Variants in KCNK2 observed in about 807,000 individuals in gnomAD.
KCNK2 encodes potassium channel subfamily K member 2.
In KCNK2, 21 loss-of-function variants were observed where a neutral mutation model predicts 40.5. The ratio of observed to expected loss-of-function variants is 0.52; its 90% confidence interval spans 0.37 to 0.75. The LOEUF (loss-of-function observed/expected upper bound fraction) is 0.75, where lower values mean the gene tolerates loss of function less well. Ranked by LOEUF, KCNK2 falls within the 30% of genes least tolerant of loss-of-function variation. The pLI, the probability that KCNK2 is intolerant of heterozygous loss-of-function variation, is 0.00. For missense variants in KCNK2, 399 were observed against 531.6 expected, an observed-to-expected ratio of 0.75 and a Z score of 2.45; for synonymous variants, 191 against 202.2, an observed-to-expected ratio of 0.94 and a Z score of 0.47.
rs567030566 is a variant in KCNK2, at chr1:215,197,161, C to T, written c.963+2069C>T. ...TGATGAAATTGGTATAGAATATCTG[C>T]TTAAATGTTTAAAACTTGTATTACT... On this transcript the variant is annotated intron_variant, in intron 6 of 6. Coordinates refer to ENST00000444842, the MANE Select transcript of KCNK2 (RefSeq NM_001017425.3). 3.9e-5 allele frequency among the ~76,000 whole-genome samples: 6 copies of T among 152,264 alleles called. No individual in the cohort carries two copies. The South Asian group carries it at 1.2e-3, about 32-fold the overall frequency.
intron 2 of KCNK2, among the ~76,000 whole-genome samples, chr1:215,097,346 C>G (rs1660019453): frequency 6.6e-6 from 1 of 151,598 alleles, no homozygotes; most frequent in Admixed American, 6.6e-5. Context: ...TTCTTCCTTC[C>G]TCTTCCTGCC....
intron 6 of KCNK2, among the ~76,000 whole-genome samples, chr1:215,204,419 A>C (rs1403827057): frequency 6.6e-6 from 1 of 152,064 alleles, no homozygotes; most frequent in African/African-American, 2.4e-5. Context: ...AAATAAGTTA[A>C]TAGTTTCTGT....
Position 215,083,364 on chromosome 1 carries a change from C to T in KCNK2, c.-22C>T, listed in dbSNP as rs1196505618. On this transcript the variant is annotated 5_prime_UTR_variant, in exon 1 of 7. Transcript: ENST00000444842. ...CTTCAAGTCCGTCTTTTTCAAAAAA[C>T]ATTTTGAATGCTGCATGCCTCATGC... 1 of 1,614,050 alleles carries T rather than the reference C, an allele frequency of 6.2e-7. No individual in the cohort carries two copies.
At chr1:215,223,705 G>T (rs1666274907) in intron 6 of KCNK2, among the ~76,000 whole-genome samples, 1 of 152,118 alleles carries the variant, frequency 6.6e-6, no homozygotes, top group African/African-American at 2.4e-5. Flanking sequence ...TTCTAAGGTA[G>T]CTGACTGCAA....
At chr1:215,233,509 C>T (rs1361867477) in intron 6 of KCNK2, among the ~76,000 whole-genome samples, 1 of 151,932 alleles carries the variant, frequency 6.6e-6, no homozygotes, top group Non-Finnish European at 1.5e-5. Flanking sequence ...TATAGCCTTA[C>T]TTCCAAGTAT....
chr1:215,149,417 G>A (rs533831946), intron 3 of KCNK2, among the ~76,000 whole-genome samples: 1 of 152,098 alleles, frequency 6.6e-6, no homozygotes, highest in South Asian at 2.1e-4. Flanking sequence ...AGACTTCCTC[G>A]GCACATCTGT....
At chr1:215,008,283 C>A (rs1174549659) in intron 1 of KCNK2, among the ~76,000 whole-genome samples, 1 of 152,010 alleles carries the variant, frequency 6.6e-6, no homozygotes, top group Non-Finnish European at 1.5e-5. Context: ...CAAATGATAA[C>A]TTTAGTTTTT....
At chr1:215,205,792 C>G (rs1196161066) in intron 6 of KCNK2, among the ~76,000 whole-genome samples, 1 of 152,052 alleles carries the variant, frequency 6.6e-6, no homozygotes, top group Non-Finnish European at 1.5e-5. Flanking sequence ...TGGTAACACA[C>G]CAATCATTGT....
chr1:215,169,635 T>C (rs1192730511), intron 4 of KCNK2, among the ~76,000 whole-genome samples: 1 of 100,160 alleles, frequency 1.0e-5, no homozygotes, highest in Non-Finnish European at 2.1e-5. Context: ...ACTTTTTTCT[T>C]TTTCTTTCTT....
At chr1:215,203,995 G>A (rs926378631) in intron 6 of KCNK2, among the ~76,000 whole-genome samples, 9 of 113,664 alleles carry the variant, frequency 7.9e-5, no homozygotes, top group African/African-American at 2.3e-4. Flanking sequence ...CCGAGATCGC[G>A]CCACTGCACT....
At chr1:215,070,384 C>A (rs1490216331) in intron 1 of KCNK2, among the ~76,000 whole-genome samples, 4 of 145,864 alleles carry the variant, frequency 2.7e-5, no homozygotes, top group Non-Finnish European at 6.0e-5. Flanking sequence ...CCACTGCACT[C>A]CAGCCTGGGC....
intron 6 of KCNK2, among the ~76,000 whole-genome samples, chr1:215,209,461 T>TATATATGATATATATA (rs1665509334): frequency 4.0e-3 from 9 of 2,234 alleles, no homozygotes; most frequent in Non-Finnish European, 0.014. Context: ...TATTATATAT[T>TATATATGATATATATA]ATATATAATA....
chr1:215,220,666 A>G (rs1011898010), intron 6 of KCNK2, among the ~76,000 whole-genome samples: 6 of 152,216 alleles, frequency 3.9e-5, no homozygotes, highest in Non-Finnish European at 7.3e-5. Flanking sequence ...GTTTTAGTGG[A>G]CTGGTCCTGT....
chr1:215,125,779 A>C (rs1472944470), intron 3 of KCNK2, among the ~76,000 whole-genome samples: 1 of 77,770 alleles, frequency 1.3e-5, no homozygotes, highest in South Asian at 4.3e-4. Flanking sequence ...TATATATATA[A>C]AATAAAATTT....
At chr1:215,084,283 G>A (rs985054207) in intron 1 of KCNK2, among the ~76,000 whole-genome samples, 6 of 151,472 alleles carry the variant, frequency 4.0e-5, no homozygotes, top group African/African-American at 1.5e-4. Context: ...TGTCTTAATG[G>A]AATTTCAGAT....
rs1190697453 is a variant in KCNK2 at position 215,028,600 on chromosome 1, CTTT to C, written c.34+22646_34+22648del. Reference sequence around the variant, plus strand: ...ACCTAAATTACTTTTAGTTCTTCTTCTTTAATAACAGACATTTAAAAGCTATGC... The same window carrying C: ...ACCTAAATTACTTTTAGTTCTTCTTCAATAACAGACATTTAAAAGCTATGC... On this transcript the variant is annotated intron_variant, in intron 1 of 6. Transcript: ENST00000391895. Among the ~76,000 whole-genome samples the C allele has an allele frequency of 2.0e-5, 3 of 151,906 alleles. 1 individual carries two copies. The East Asian group carries it at 5.8e-4, about 29-fold the overall frequency.
intron 4 of KCNK2, 95 bp from the exon 5 acceptor site, chr1:215,171,902 T>TTC (rs1558123849): frequency 7.6e-5 from 60 of 787,316 alleles, no homozygotes; most frequent in Middle Eastern, 3.5e-4. Flanking sequence ...TACAAGTAAT[T>TTC]TCTCTCTCTC....
At chr1:215,107,694 GT>G (rs917234322) in intron 2 of KCNK2, among the ~76,000 whole-genome samples, 11 of 149,846 alleles carry the variant, frequency 7.3e-5, no homozygotes, top group Admixed American at 4.0e-4. Context: ...CAAGTTATTT[GT>G]TTTTTTTTCT....
intron 1 of KCNK2, among the ~76,000 whole-genome samples, chr1:215,040,353 A>G (rs897977492): frequency 6.6e-5 from 10 of 152,218 alleles, no homozygotes; most frequent in Non-Finnish European, 1.2e-4. Flanking sequence ...GAGAGGTTGC[A>G]TAACTTGCCC....
Sources: gnomAD v4.1 joint callset for allele counts (sites outside exome capture counted in the v4.1 genomes callset) on GRCh38, gnomAD v4.1.1 for gene constraint, MANE v1.5 for transcripts, NCBI Gene and HGNC (gene_info 2026-07-23, HGNC 2026-07-21) for gene names.